Variants in SLC44A5 observed in about 807,000 individuals in gnomAD.
SLC44A5 encodes the protein choline transporter-like protein 5.
In SLC44A5, 57 loss-of-function variants were observed where a neutral mutation model predicts 101.8. The observed-to-expected ratio is 0.56, with a 90% CI of 0.45 to 0.70. The LOEUF (loss-of-function observed/expected upper bound fraction) is 0.70, where lower values mean the gene tolerates loss of function less well. Ranked by LOEUF, SLC44A5 falls within the 30% of genes least tolerant of loss-of-function variation. SLC44A5 has a pLI of 0.00. For synonymous variants in SLC44A5, 281 were observed against 290.9 expected, an observed-to-expected ratio of 0.97 and a Z score of 0.35; for missense variants, 737 against 853.1, an observed-to-expected ratio of 0.86 and a Z score of 1.70.
At chr1:75,320,423 A>G (rs1656054102) in intron 4 of SLC44A5, among the ~76,000 whole-genome samples, 1 of 152,152 alleles carries the variant, frequency 6.6e-6, no homozygotes, top group African/African-American at 2.4e-5. Context: ...GAGCTATGTG[A>G]TAGATGTTTA....
the SLC44A5 span, among the ~76,000 whole-genome samples, chr1:75,634,738 AG>A: frequency 6.6e-6 from 1 of 151,742 alleles, no homozygotes; most frequent in Non-Finnish European, 1.5e-5. Flanking sequence ...ATTACCATTC[AG>A]GACATAGGCA....
chr1:75,437,025 T>C (rs1479520715), intron 2 of SLC44A5, among the ~76,000 whole-genome samples: 1 of 152,168 alleles, frequency 6.6e-6, no homozygotes, highest in Non-Finnish European at 1.5e-5. Context: ...TGTCATCTTC[T>C]ATGATAACAA....
At chr1:75,302,770 A>G (rs1356221421) in intron 4 of SLC44A5, among the ~76,000 whole-genome samples, 2 of 152,122 alleles carry the variant, frequency 1.3e-5, no homozygotes, top group Non-Finnish European at 2.9e-5. Context: ...TGCGATACTG[A>G]GACAGTTGAT....
chr1:75,592,858 A>G (rs544797846), intron 1 of SLC44A5, among the ~76,000 whole-genome samples: 1 of 152,188 alleles, frequency 6.6e-6, no homozygotes, highest in African/African-American at 2.4e-5. Flanking sequence ...AATGGATTAA[A>G]GAAATCTAAG....
intron 2 of SLC44A5, among the ~76,000 whole-genome samples, chr1:75,445,844 T>C (rs1665542026): frequency 6.6e-6 from 1 of 152,148 alleles, no homozygotes; most frequent in South Asian, 2.1e-4. Flanking sequence ...ACAAACTTTT[T>C]ATTTTTCTCT....
At chr1:75,243,807 T>C (rs1648871431) in intron 7 of SLC44A5, among the ~76,000 whole-genome samples, 1 of 152,086 alleles carries the variant, frequency 6.6e-6, no homozygotes, top group Non-Finnish European at 1.5e-5. Context: ...GGTTCATAGA[T>C]GCAGCAGCAC....
chr1:75,233,585 G>A (rs1290702719), intron 12 of SLC44A5, among the ~76,000 whole-genome samples: 3 of 152,180 alleles, frequency 2.0e-5, no homozygotes, highest in Non-Finnish European at 2.9e-5. Context: ...AACGTACTAA[G>A]TTGAAAGAGA....
intron 3 of SLC44A5, among the ~76,000 whole-genome samples, chr1:75,351,234 A>T (rs1015405838): frequency 3.3e-5 from 5 of 152,040 alleles, no homozygotes; most frequent in African/African-American, 1.2e-4. Context: ...AAGGAGAAAG[A>T]GACATAATCA....
chr1:75,321,450 CAGAGAGAG>C (rs58617518), intron 4 of SLC44A5, among the ~76,000 whole-genome samples: 13 of 146,278 alleles, frequency 8.9e-5, no homozygotes, highest in African/African-American at 2.7e-4. Flanking sequence ...TGTTATATGG[CAGAGAGAG>C]AGAGAGAGAG....
At chr1:75,299,711 T>TC (rs1654266440) in intron 5 of SLC44A5, among the ~76,000 whole-genome samples, 1 of 151,844 alleles carries the variant, frequency 6.6e-6, no homozygotes, top group African/African-American at 2.4e-5. Flanking sequence ...TGGTAGTTGT[T>TC]TAAAAAAAAT....
At chr1:75,299,401 A>G (rs1009596232) in intron 5 of SLC44A5, among the ~76,000 whole-genome samples, 47 of 152,288 alleles carry the variant, frequency 3.1e-4, no homozygotes, top group Admixed American at 8.5e-4. Context: ...TGGTGTTCTC[A>G]AAGTATTTCT....
the SLC44A5 span, among the ~76,000 whole-genome samples, chr1:75,652,818 AC>A: frequency 6.6e-6 from 1 of 151,974 alleles, no homozygotes; most frequent in South Asian, 2.1e-4. Context: ...AAACAAAAAA[AC>A]AGTCCCACAA....
chr1:75,258,676 A>G (rs752419916), intron 6 of SLC44A5, among the ~76,000 whole-genome samples: 1 of 152,144 alleles, frequency 6.6e-6, no homozygotes, highest in Non-Finnish European at 1.5e-5. Flanking sequence ...TTGAGCTCCA[A>G]TAAGGGACAG....
the SLC44A5 span, among the ~76,000 whole-genome samples, chr1:75,699,888 A>T: frequency 1.6e-4 from 24 of 152,246 alleles, no homozygotes; most frequent in Non-Finnish European, 3.4e-4. Flanking sequence ...TTTAACCAAC[A>T]AAGATCAAAA....
chr1:75,573,127 CAAAAAAAAAAAAAAAA>C lies in SLC44A5; in HGVS notation c.-69-31627_-69-31612del, dbSNP rs745593621. Among the ~76,000 whole-genome samples, 4 of 16,712 alleles carry C rather than the reference CAAAAAAAAAAAAAAAA, an allele frequency of 2.4e-4. 1 individual carries two copies. Among genetic ancestry groups the C allele is most frequent in the African/African-American group, 9.8e-4 (4 of 4,070 alleles). The allele number at this position is 16,712 out of a possible 152,430, so 11.0% of individuals were successfully genotyped here. On this transcript the variant is annotated intron_variant, in intron 1 of 23. Transcript: ENST00000370859. ...TGAGCGACAGAGCAAGGCTCCATCT[CAAAAAAAAAAAAAAAA>C]AAAAAAAAAAAGGAAATAGTATATA... is the stretch of plus-strand genomic sequence containing the variant.
intron 4 of SLC44A5, among the ~76,000 whole-genome samples, chr1:75,334,048 GC>G (rs1253321700): frequency 6.6e-6 from 1 of 152,084 alleles, no homozygotes; most frequent in African/African-American, 2.4e-5. Flanking sequence ...CCTGCCATCT[GC>G]CCAAGAGCCC....
chr1:75,351,351 G>A (rs949755910), intron 3 of SLC44A5, among the ~76,000 whole-genome samples: 5 of 151,878 alleles, frequency 3.3e-5, no homozygotes, highest in South Asian at 2.1e-4. Context: ...GTGGTAGGAC[G>A]ATGGATATCT....
chr1:75,635,996 C>G, the SLC44A5 span, among the ~76,000 whole-genome samples: 1 of 152,050 alleles, frequency 6.6e-6, no homozygotes, highest in East Asian at 1.9e-4. Flanking sequence ...GTCAAGGCTT[C>G]AGGGTATCCA....
the SLC44A5 span, among the ~76,000 whole-genome samples, chr1:75,713,794 A>G: frequency 2.0e-5 from 3 of 152,156 alleles, no homozygotes; most frequent in Admixed American, 2.0e-4. Flanking sequence ...CTTATGGTAT[A>G]TAAGCCCTAG....
Sources: allele counts gnomAD v4.1 joint callset (sites outside exome capture counted in the v4.1 genomes callset), GRCh38; gene constraint gnomAD v4.1.1; transcripts MANE v1.5; gene names NCBI Gene and HGNC (gene_info 2026-07-23, HGNC 2026-07-21).